Variants in DOCK5 observed in about 807,000 individuals in gnomAD.
DOCK5 encodes dedicator of cytokinesis protein 5.
In DOCK5, 142 loss-of-function variants were observed where a neutral mutation model predicts 251.8. The ratio of observed to expected loss-of-function variants is 0.56; its 90% confidence interval spans 0.49 to 0.65. The LOEUF (loss-of-function observed/expected upper bound fraction) is 0.65. DOCK5 is among the 30% of genes least tolerant of loss of function. The pLI is 0.00. For synonymous variants in DOCK5, 842 were observed against 835.5 expected (o/e 1.01, Z -0.13); for missense variants, 2,111 against 2,312.3 (o/e 0.91, Z 1.79).
intron 40 of DOCK5, among the ~76,000 whole-genome samples, chr8:25,386,023 T>C (rs1685909221): frequency 6.6e-6 from 1 of 152,026 alleles, no homozygotes; most frequent in African/African-American, 2.4e-5. Flanking sequence ...AGAGGGTGTA[T>C]AGGAGAATGG....
At chr8:25,299,427 A>G (rs917455431) in intron 8 of DOCK5, 1 of 241,144 alleles carries the variant, frequency 4.1e-6, no homozygotes, top group Non-Finnish European at 8.0e-6. Flanking sequence ...TTTTAGAGCA[A>G]CGGCAGTATT....
chr8:25,292,566 T>C (rs1804520823), intron 6 of DOCK5, among the ~76,000 whole-genome samples: 1 of 152,084 alleles, frequency 6.6e-6, no homozygotes, highest in Non-Finnish European at 1.5e-5. Context: ...CCAGACAACA[T>C]AGCGAGGCCC....
intron 16 of DOCK5, among the ~76,000 whole-genome samples, chr8:25,322,058 T>G (rs963524250): frequency 7.9e-5 from 12 of 152,208 alleles, no homozygotes; most frequent in African/African-American, 2.9e-4. Flanking sequence ...TTCAGATTGA[T>G]CACAAAATTT....
In DOCK5 at chr8:25,369,591, G is replaced by A. The variant is rs558194425; in HGVS notation, c.3474G>A (p.Glu1158=). The A allele has an allele frequency of 6.2e-7, 1 of 1,611,872 alleles. No individual in the cohort carries two copies. The highest frequency in any genetic ancestry group is 2.2e-5 in the East Asian group (1 of 44,838). Residue 1158 remains glutamate, a synonymous_variant, in exon 34 of 52, where the codon GAG becomes GAA. Coordinates refer to ENST00000276440, the MANE Select transcript of DOCK5 (RefSeq NM_024940.8). ...AGCTGATCACAAAGCTGGACCAGGA[G>A]GTAGAAGGGGGCAGAGGAGACGAAC... ...ENELITKLDQ[E]VEGGRGDEQY... is the part of the protein sequence containing the mutation.
At chr8:25,185,460 C>T (rs1801409537) in intron 1 of DOCK5, among the ~76,000 whole-genome samples, 1 of 152,122 alleles carries the variant, frequency 6.6e-6, no homozygotes, top group Non-Finnish European at 1.5e-5. Context: ...CCCTTTCCTC[C>T]AGAGACTGGG....
In DOCK5 at chr8:25,368,712, G is replaced by A. The variant is rs867231527; in HGVS notation, c.3425G>A (p.Gly1142Asp). Residue 1142 changes from glycine to aspartate, a missense_variant, in exon 33 of 52, where the codon GGC becomes GAC. By Grantham distance (94) the Gly-to-Asp change is moderately conservative. Transcript: ENST00000276440. ...MQCEFNFSGN[G>D]NFHMFENELI... ...TGTGAGTTCAATTTCAGTGGAAATG[G>A]CAATTTCCATATGGTAAGAAGTGGC... The A allele has an allele frequency of 6.2e-7, 1 of 1,612,508 alleles. No individual in the cohort carries two copies. Among genetic ancestry groups the A allele is most frequent in the Non-Finnish European group, 8.5e-7 (1 of 1,179,344 alleles).
At chr8:25,283,838 T>C (rs920721733) in intron 5 of DOCK5, among the ~76,000 whole-genome samples, 14 of 152,044 alleles carry the variant, frequency 9.2e-5, no homozygotes, top group African/African-American at 3.4e-4. Context: ...AAACTGCAAA[T>C]GTATGGCAGT....
At chr8:25,201,001 G>C (rs1801867772) in intron 1 of DOCK5, among the ~76,000 whole-genome samples, 1 of 152,096 alleles carries the variant, frequency 6.6e-6, no homozygotes, top group Non-Finnish European at 1.5e-5. Flanking sequence ...CCGCCTCCTG[G>C]GTTCAAACAA....
In DOCK5 at chr8:25,252,105, G is replaced by A. The variant is rs543185888; in HGVS notation, c.127+8348G>A. 4.6e-5 allele frequency among the ~76,000 whole-genome samples: 7 copies of A among 152,104 alleles called. No individual in the cohort carries two copies. In the South Asian group the frequency reaches 1.0e-3, roughly 23 times the overall value. ...CTGCATTGGATTATGATACAGTATG[G>A]TATCTAACGTTTTGAGAATGTCTGT... On this transcript the variant is annotated intron_variant, in intron 2 of 51. Transcript: ENST00000276440.
At chr8:25,334,994 G>C (rs899763004) in intron 21 of DOCK5, among the ~76,000 whole-genome samples, 1 of 152,142 alleles carries the variant, frequency 6.6e-6, no homozygotes, top group Admixed American at 6.5e-5. Flanking sequence ...TTCTATCATT[G>C]GTTTATGGGC....
In DOCK5 at chr8:25,302,433, C is replaced by A. The variant is rs1804790826; in HGVS notation, c.955C>A (p.Arg319=). 6.3e-7 allele frequency: 1 copy of A among 1,576,688 alleles called. No homozygotes were observed. Among genetic ancestry groups the A allele is most frequent in the East Asian group, 2.3e-5 (1 of 42,834 alleles). The part of the protein sequence containing the change: ...KEGKKHTCGL[R]RPFGVAVMDI... ...AGGCAAGAAGCACACCTGTGGACTC[C>A]GAAGACCTTTTGGAGTGGCAGGTAC... Residue 319 remains arginine (R), a synonymous_variant, in exon 10 of 52, where the codon CGA becomes AGA. Transcript: ENST00000276440.
chr8:25,360,558 A>G (rs1028379486), intron 28 of DOCK5, among the ~76,000 whole-genome samples: 3 of 152,122 alleles, frequency 2.0e-5, no homozygotes, highest in African/African-American at 4.8e-5. Flanking sequence ...ACTCCCTTGT[A>G]TGCAATTTGG....
intron 5 of DOCK5, among the ~76,000 whole-genome samples, chr8:25,289,635 G>A (rs554334039): frequency 3.9e-5 from 6 of 152,002 alleles, no homozygotes; most frequent in African/African-American, 1.4e-4. Context: ...CTGAGGTCGG[G>A]AGTTTGAGAC....
chr8:25,313,299 T>G (rs1805151302), intron 13 of DOCK5, among the ~76,000 whole-genome samples: 1 of 152,180 alleles, frequency 6.6e-6, no homozygotes, highest in Non-Finnish European at 1.5e-5. Flanking sequence ...CACTCCAGCC[T>G]CTCAAGAGTA....
chr8:25,350,118 T>C (rs1373205305), intron 26 of DOCK5, among the ~76,000 whole-genome samples: 2 of 152,128 alleles, frequency 1.3e-5, no homozygotes, highest in Non-Finnish European at 2.9e-5. Context: ...TGGGTGGCAA[T>C]AGATGTGTTA....
chr8:25,308,893 T>A lies in DOCK5; in HGVS notation c.1160T>A (p.Ile387Asn). ...CTCACTTCAGTCTTGAATAAAGTGA[T>A]TGCAGCAAAGGAAGTGAATCACAAA... ...EPLTSVLNKV[I>N]AAKEVNHKGQ... The change falls in exon 12 of 52, where the codon ATT becomes AAT. Residue 387 changes from isoleucine to asparagine, a missense_variant. Ile to Asn is a moderately radical substitution (Grantham distance 149). Transcript: ENST00000276440. The A allele has an allele frequency of 6.2e-7, 1 of 1,613,688 alleles. No homozygotes were observed. Among genetic ancestry groups the A allele is most frequent in the Non-Finnish European group, 8.5e-7 (1 of 1,179,712 alleles).
chr8:25,350,054 G>C (rs1800438518), intron 26 of DOCK5, among the ~76,000 whole-genome samples: 1 of 152,160 alleles, frequency 6.6e-6, no homozygotes, highest in Non-Finnish European at 1.5e-5. Context: ...TTGATCAAAG[G>C]GTAGAAAGTG....
chr8:25,308,132 G>T lies in DOCK5; in HGVS notation c.1050-651G>T, dbSNP rs1056539240. Among the ~76,000 whole-genome samples the T allele has an allele frequency of 8.7e-4, 133 of 152,216 alleles. 2 individuals are homozygous for T. The highest frequency in any genetic ancestry group is 8.6e-3 in the Admixed American group (131 of 15,280). Reference sequence around the variant, plus strand: ...ATGTGCAGTTGCTTATAGTGCTTCTGCCTTCAGTAGAATGGAGGCTGTATT... The same window carrying T: ...ATGTGCAGTTGCTTATAGTGCTTCTTCCTTCAGTAGAATGGAGGCTGTATT... On this transcript the variant is annotated intron_variant, in intron 11 of 51. Coordinates refer to ENST00000276440, the MANE Select transcript of DOCK5 (RefSeq NM_024940.8).
intron 9 of DOCK5, among the ~76,000 whole-genome samples, chr8:25,301,371 G>A (rs1220767320): frequency 2.0e-5 from 3 of 152,152 alleles, no homozygotes; most frequent in Non-Finnish European, 4.4e-5. Context: ...TATCATTGAT[G>A]TATATCTTGG....
Sources: allele counts gnomAD v4.1 joint callset (sites outside exome capture counted in the v4.1 genomes callset), GRCh38; gene constraint gnomAD v4.1.1; transcripts MANE v1.5; gene names NCBI Gene and HGNC (gene_info 2026-07-23, HGNC 2026-07-21).